QTMAN: variants seen among roughly 807,000 people sequenced by gnomAD.
QTMAN encodes the protein queuosine-tRNA mannosyltransferase.
the QTMAN span, among the ~76,000 whole-genome samples, chr2:143,972,698 C>CAAAAGAG: frequency 1.2e-4 from 19 of 152,252 alleles, no homozygotes; most frequent in Non-Finnish European, 2.6e-4. Context: ...CATAAGAACA[C>CAAAAGAG]AAAAGAGATT....
the QTMAN span, among the ~76,000 whole-genome samples, chr2:144,035,994 A>G: frequency 1.3e-5 from 2 of 152,192 alleles, no homozygotes; most frequent in Non-Finnish European, 2.9e-5. Flanking sequence ...AGGATACCAG[A>G]GCATGTAATT....
chr2:144,064,928 T>C, the QTMAN span, among the ~76,000 whole-genome samples: 1 of 152,052 alleles, frequency 6.6e-6, no homozygotes, highest in Non-Finnish European at 1.5e-5. Flanking sequence ...ATAGATCAAA[T>C]GTGATAAGGG....
chr2:144,256,457 C>T, the QTMAN span, among the ~76,000 whole-genome samples: 2 of 151,958 alleles, frequency 1.3e-5, no homozygotes, highest in African/African-American at 4.8e-5. Flanking sequence ...CTTTTCTCTC[C>T]GAATATATTT....
At chr2:144,268,720 C>A in the QTMAN span, among the ~76,000 whole-genome samples, 1 of 152,296 alleles carries the variant, frequency 6.6e-6, no homozygotes, top group African/African-American at 2.4e-5. Flanking sequence ...TTACATATTA[C>A]TAAAAAGAGC....
chr2:144,265,424 G>A, the QTMAN span, among the ~76,000 whole-genome samples: 6 of 152,130 alleles, frequency 3.9e-5, no homozygotes, highest in African/African-American at 7.2e-5. Context: ...TCGGTCAGGC[G>A]CGGTGGCTCA....
the QTMAN span, among the ~76,000 whole-genome samples, chr2:144,301,466 A>C: frequency 1.3e-5 from 2 of 152,062 alleles, no homozygotes; most frequent in Non-Finnish European, 2.9e-5. Flanking sequence ...CAGGTGATTC[A>C]CCCATCTCGG....
At chr2:143,980,401 A>G in the QTMAN span, among the ~76,000 whole-genome samples, 1 of 152,104 alleles carries the variant, frequency 6.6e-6, no homozygotes, top group African/African-American at 2.4e-5. Flanking sequence ...TTACCTATTC[A>G]TGTCTGTTAC....
At chr2:144,263,067 C>A in the QTMAN span, among the ~76,000 whole-genome samples, 1 of 151,350 alleles carries the variant, frequency 6.6e-6, no homozygotes, top group Non-Finnish European at 1.5e-5. Flanking sequence ...CCATGGCTCA[C>A]GACCCATATC....
At chr2:144,092,623 A>G in the QTMAN span, among the ~76,000 whole-genome samples, 2 of 152,242 alleles carry the variant, frequency 1.3e-5, no homozygotes, top group Admixed American at 1.3e-4. Flanking sequence ...TTGGAAAAAC[A>G]GAAAAGTTGA....
chr2:144,040,147 A>G, the QTMAN span, among the ~76,000 whole-genome samples: 1 of 152,200 alleles, frequency 6.6e-6, no homozygotes, highest in Non-Finnish European at 1.5e-5. Context: ...ATACTTTTAA[A>G]TTATCTTTAA....
the QTMAN span, among the ~76,000 whole-genome samples, chr2:143,947,645 A>G: frequency 6.6e-6 from 1 of 152,214 alleles, no homozygotes; most frequent in African/African-American, 2.4e-5. Context: ...GGGTACATTG[A>G]TATTTAAAAA....
the QTMAN span, among the ~76,000 whole-genome samples, chr2:144,184,255 T>C: frequency 6.6e-6 from 1 of 152,192 alleles, no homozygotes; most frequent in Non-Finnish European, 1.5e-5. Flanking sequence ...CTTCTTTTTT[T>C]AATAGCCAGG....
the QTMAN span, among the ~76,000 whole-genome samples, chr2:144,333,069 A>G: frequency 2.6e-5 from 4 of 151,366 alleles, no homozygotes; most frequent in Non-Finnish European, 5.9e-5. Context: ...GAGCTCCTCC[A>G]CAGCTGCTTT....
chr2:144,024,966 A>G, the QTMAN span, among the ~76,000 whole-genome samples: 67 of 152,332 alleles, frequency 4.4e-4, no homozygotes, highest in Admixed American at 2.7e-3. Flanking sequence ...TCCTTCTATC[A>G]CATGATATCC....
the QTMAN span, chr2:144,011,640 T>TAA: frequency 4.7e-3 from 4,162 of 879,890 alleles, 5 homozygotes; most frequent in African/African-American, 0.016. Flanking sequence ...TCTATGCTAG[T>TAA]AAAAAAAAAA....
chr2:144,154,301 T>C, the QTMAN span, among the ~76,000 whole-genome samples: 6 of 152,070 alleles, frequency 3.9e-5, no homozygotes, highest in Middle Eastern at 3.2e-3. Flanking sequence ...CTAAATAACA[T>C]GCAGGAGCGA....
chr2:144,137,379 C>CT, the QTMAN span, among the ~76,000 whole-genome samples: 330 of 147,912 alleles, frequency 2.2e-3, 1 homozygote, highest in African/African-American at 7.4e-3. Context: ...TGCTATGTTT[C>CT]TTTTTTTTTT....
chr2:143,958,692 C>T, the QTMAN span, among the ~76,000 whole-genome samples: 118 of 151,636 alleles, frequency 7.8e-4, no homozygotes, highest in African/African-American at 2.7e-3. Flanking sequence ...TCTCATCCTA[C>T]AGGAGTGTGG....
At chr2:144,014,984 T>C in the QTMAN span, among the ~76,000 whole-genome samples, 1 of 152,218 alleles carries the variant, frequency 6.6e-6, no homozygotes, top group Non-Finnish European at 1.5e-5. Flanking sequence ...TTCCCCATTC[T>C]CTTTTAATTT....
Sources: allele counts gnomAD v4.1 joint callset (sites outside exome capture counted in the v4.1 genomes callset), GRCh38; gene constraint gnomAD v4.1.1; transcripts MANE v1.5; gene names NCBI Gene and HGNC (gene_info 2026-07-23, HGNC 2026-07-21).